HCRTR2: variants seen among roughly 807,000 people sequenced by gnomAD.
HCRTR2 encodes the protein orexin receptor type 2.
A neutral mutation model predicts 49.0 loss-of-function variants in HCRTR2; 22 were observed. That is an observed-to-expected ratio of 0.45 (90% CI 0.32 to 0.64). The LOEUF (loss-of-function observed/expected upper bound fraction) is 0.64. HCRTR2 is among the 30% of genes least tolerant of loss of function. The pLI is 0.04. For synonymous variants in HCRTR2, 236 were observed against 205.3 expected (o/e 1.15, Z -1.28); for missense variants, 491 against 559.4 (o/e 0.88, Z 1.23).
intron 1 of HCRTR2, among the ~76,000 whole-genome samples, chr6:55,203,236 A>T (rs1765541508): frequency 6.6e-6 from 1 of 152,364 alleles, no homozygotes; most frequent in Admixed American, 6.5e-5. Flanking sequence ...CGTTCCATAC[A>T]TAAAAACTCA....
At chr6:55,280,288 T>C in intron 5 of HCRTR2, 35 bp from the exon 6 acceptor site, 1 of 1,376,518 alleles carries the variant, frequency 7.3e-7, no homozygotes, top group Non-Finnish European at 1.0e-6. Context: ...TTTAATTATT[T>C]AAAAGACACT....
chr6:55,266,561 G>T (rs557728797), intron 4 of HCRTR2, among the ~76,000 whole-genome samples: 74 of 152,158 alleles, frequency 4.9e-4, no homozygotes, highest in African/African-American at 1.8e-3. Flanking sequence ...GATTTTGTTG[G>T]GGAATGTTCA....
At chr6:55,229,119 A>T (rs1766065803) in intron 1 of HCRTR2, among the ~76,000 whole-genome samples, 1 of 152,226 alleles carries the variant, frequency 6.6e-6, no homozygotes, top group South Asian at 2.1e-4. Flanking sequence ...ACCAAAGATG[A>T]CAAATGCTAG....
At chr6:55,190,818 C>A (rs982441266) in intron 1 of HCRTR2, among the ~76,000 whole-genome samples, 3 of 152,094 alleles carry the variant, frequency 2.0e-5, no homozygotes, top group Admixed American at 1.3e-4. Flanking sequence ...GAACGTATGC[C>A]TGACTTATCA....
chr6:55,206,904 T>C (rs1765611792), intron 1 of HCRTR2, among the ~76,000 whole-genome samples: 1 of 152,084 alleles, frequency 6.6e-6, no homozygotes, highest in Admixed American at 6.6e-5. Flanking sequence ...TCAGGATTTA[T>C]CATGCAGTGA....
chr6:55,255,407 C>T (rs769841765), intron 3 of HCRTR2, 28 bp downstream of exon 3: 10 of 1,612,826 alleles, frequency 6.2e-6, no homozygotes, highest in East Asian at 2.2e-5. Context: ...CATCAACTGA[C>T]ATTTATATTA....
rs537168166 is a variant in HCRTR2, at chr6:55,186,315, A to T, written c.223+11505A>T. Among the ~76,000 whole-genome samples, 557 of 152,264 alleles carry T rather than the reference A, an allele frequency of 3.7e-3. 6 individuals carry two copies. The highest frequency in any genetic ancestry group is 0.013 in the African/African-American group (527 of 41,572). On this transcript the variant is annotated intron_variant, in intron 1 of 6. Coordinates refer to ENST00000370862, the MANE Select transcript of HCRTR2 (RefSeq NM_001384272.1). ...TGCAGGCTTTAAATTTCTTCTATAT[A>T]AATATTTAAAATAAAGCTTCAATAA... is the stretch of plus-strand genomic sequence containing the variant.
chr6:55,146,874 T>G (rs1035246453), intron 1 of HCRTR2, among the ~76,000 whole-genome samples: 1 of 152,172 alleles, frequency 6.6e-6, no homozygotes, highest in Non-Finnish European at 1.5e-5. Context: ...GCACCATACT[T>G]TGAATGAAGA....
In HCRTR2 at chr6:55,245,499, A is replaced by ATC. The variant is rs1394992200; in HGVS notation, c.224-3139_224-3138insCT. On this transcript the variant is annotated intron_variant, in intron 1 of 6. Transcript: ENST00000370862. ...TATATATATATATATATATATATAT[A>ATC]TATATATCTTCCCCAAAAGTGTGCC... Among the ~76,000 whole-genome samples, 9 of 126,364 alleles carry ATC rather than the reference A, an allele frequency of 7.1e-5. No individual in the cohort carries two copies. The South Asian group carries it at 7.2e-4, about 10-fold the overall frequency. 82.9% of individuals were successfully genotyped at this position (126,364 alleles called of 152,430 possible).
intron 1 of HCRTR2, among the ~76,000 whole-genome samples, chr6:55,205,959 A>C (rs950357717): frequency 6.6e-6 from 1 of 152,120 alleles, no homozygotes; most frequent in Non-Finnish European, 1.5e-5. Context: ...ATAAATATAT[A>C]CATCTACTAT....
chr6:55,119,008 A>G (rs908863605), intron 1 of HCRTR2, among the ~76,000 whole-genome samples: 1 of 151,468 alleles, frequency 6.6e-6, no homozygotes, highest in Non-Finnish European at 1.5e-5. Flanking sequence ...TCCTTGTTCA[A>G]CTCTCACTTA....
At chr6:55,248,888 A>T in intron 2 of HCRTR2, 71 bp downstream of exon 2, 1 of 1,241,918 alleles carries the variant, frequency 8.1e-7, no homozygotes, top group Non-Finnish European at 1.2e-6. Context: ...CCTTATGGTA[A>T]ATTAACTAGT....
chr6:55,122,895 C>T (rs1269608863), intron 1 of HCRTR2, among the ~76,000 whole-genome samples: 6 of 141,974 alleles, frequency 4.2e-5, no homozygotes, highest in African/African-American at 1.6e-4. Flanking sequence ...CATGTTCTCA[C>T]TCATAGGTGG....
At chr6:55,210,607 A>G (rs943056263) in intron 1 of HCRTR2, among the ~76,000 whole-genome samples, 5 of 152,138 alleles carry the variant, frequency 3.3e-5, no homozygotes, top group Non-Finnish European at 5.9e-5. Context: ...AAATAAGTAA[A>G]TTAGAACAGG....
rs141029599 is a variant in HCRTR2, at chr6:55,211,214, A to G, written c.223+36404A>G. On this transcript the variant is annotated intron_variant, in intron 1 of 6. Transcript: ENST00000370862. ...CCTAAGGATGCATTTCTCAGCATAT[A>G]TCCCAGTCATTAAGCAAAGACTGAC... Among the ~76,000 whole-genome samples the G allele has an allele frequency of 2.0e-5, 3 of 152,286 alleles. No homozygotes were observed. The East Asian group carries it at 5.8e-4, about 29-fold the overall frequency.
chr6:55,108,991 A>G (rs1581776516), intron 1 of HCRTR2, among the ~76,000 whole-genome samples: 1 of 151,792 alleles, frequency 6.6e-6, no homozygotes, highest in Admixed American at 6.6e-5. Flanking sequence ...ATGGCAGTCC[A>G]CCTCACTCCC....
At chr6:55,229,376 G>A (rs1349205259) in intron 1 of HCRTR2, among the ~76,000 whole-genome samples, 2 of 152,062 alleles carry the variant, frequency 1.3e-5, no homozygotes, top group Non-Finnish European at 2.9e-5. Context: ...ATCACCATAT[G>A]AGCCAGCAAT....
chr6:55,219,806 G>A (rs1285794563), intron 1 of HCRTR2, among the ~76,000 whole-genome samples: 1 of 151,576 alleles, frequency 6.6e-6, no homozygotes, highest in Non-Finnish European at 1.5e-5. Context: ...CCTTTGGCTA[G>A]AATAACTAAG....
intron 1 of HCRTR2, among the ~76,000 whole-genome samples, chr6:55,165,632 A>G (rs1410207319): frequency 6.6e-6 from 1 of 151,596 alleles, no homozygotes; most frequent in East Asian, 2.0e-4. Flanking sequence ...GATCTTATCA[A>G]AATTTAAAAC....
Sources: allele counts gnomAD v4.1 joint callset (sites outside exome capture counted in the v4.1 genomes callset), GRCh38; gene constraint gnomAD v4.1.1; transcripts MANE v1.5; gene names NCBI Gene and HGNC (gene_info 2026-07-23, HGNC 2026-07-21).